The following GADD45A variants were observed in gnomAD, a reference collection of about 807,000 sequenced individuals.
GADD45A encodes the protein growth arrest and DNA damage-inducible protein GADD45 alpha.
Under a neutral mutation model 17.7 loss-of-function variants are expected in GADD45A, and 9 were observed. That is an observed-to-expected ratio of 0.51 (90% CI 0.31 to 0.89). The LOEUF is 0.89. Among genes scored for constraint, GADD45A ranks in the 40% least tolerant of loss-of-function variants. The probability of loss-of-function intolerance (pLI) is 0.05; values close to 1 mark genes in which losing one functional copy is unlikely to be tolerated. For missense variants in GADD45A, 149 were observed against 220.6 expected (o/e 0.68, Z 2.06); for synonymous variants, 95 against 92.2 (o/e 1.03, Z -0.17).
Position 67,687,777 on chromosome 1 carries a change from G to T in GADD45A, c.*3G>T. 1.3e-6 allele frequency: 2 copies of T among 1,575,556 alleles called. No individual in the cohort carries two copies. The highest frequency in any genetic ancestry group is 1.7e-6 in the Non-Finnish European group (2 of 1,146,640). On this transcript the variant is annotated 3_prime_UTR_variant, in exon 4 of 4. Transcript: ENST00000370986. ...TGATTAATCTCCCTGAACGGTGATGGCATCTGAATGAAAATAACTGAACCA... is the reference window on the plus strand; with the variant it reads ...TGATTAATCTCCCTGAACGGTGATGTCATCTGAATGAAAATAACTGAACCA...
At chr1:67,685,868 G>A (rs1056725344) in intron 1 of GADD45A, 157 bp from the exon 2 acceptor site, 17 of 603,122 alleles carry the variant, frequency 2.8e-5, no homozygotes, top group South Asian at 2.6e-4. Flanking sequence ...GGGTCATGGG[G>A]GGTGACGGGG....
rs1334376739 is a variant in GADD45A, at chr1:67,685,430, C to T, written c.-65C>T. 7 of 1,508,856 alleles carry T rather than the reference C, an allele frequency of 4.6e-6. No individual in the cohort carries two copies. In the East Asian group the frequency reaches 7.2e-5, roughly 15 times the overall value. 93.5% of individuals were successfully genotyped at this position (1,508,856 alleles called of 1,614,324 possible). ...TGAGTGCAGAAAGCAGGCGCCCGCG[C>T]GCTAGCCGTGGCAGGAGCAGCCCGC... On this transcript the variant is annotated 5_prime_UTR_variant, in exon 1 of 4. Coordinates refer to ENST00000370986, the MANE Select transcript of GADD45A (RefSeq NM_001924.4).
Position 67,685,421 on chromosome 1 carries a change from G to C in GADD45A, c.-74G>C. On this transcript the variant is annotated 5_prime_UTR_variant, in exon 1 of 4. Coordinates refer to ENST00000370986, the MANE Select transcript of GADD45A (RefSeq NM_001924.4). ...GCCTGTGAGTGAGTGCAGAAAGCAG[G>C]CGCCCGCGCGCTAGCCGTGGCAGGA... 2 of 1,459,678 alleles carry C rather than the reference G, an allele frequency of 1.4e-6. No individual in the cohort carries two copies. The highest frequency in any genetic ancestry group is 1.9e-6 in the Non-Finnish European group (2 of 1,063,354). 90.4% of individuals were successfully genotyped at this position (1,459,678 alleles called of 1,614,324 possible).
rs1188154891 is a variant in GADD45A, at chr1:67,688,145, C to T, written c.*371C>T. 2 of 168,884 alleles carry T rather than the reference C, an allele frequency of 1.2e-5. No homozygotes were observed. Among genetic ancestry groups the T allele is most frequent in the Admixed American group, 1.2e-4 (2 of 16,150 alleles). 10.5% of individuals were successfully genotyped at this position (168,884 alleles called of 1,614,324 possible). A position where few individuals can be genotyped will look rare whatever the true frequency, so the allele number is the denominator to read the frequency against. ...TGGGTATTTTTGGTTTATATGCCCT[C>T]AAGTAAAAGAAAAGCCGAAAGGGTT... On this transcript the variant is annotated 3_prime_UTR_variant, in exon 4 of 4. Transcript: ENST00000370986.
In GADD45A at chr1:67,686,572, C is replaced by T. The variant is rs756913269; in HGVS notation, c.369C>T (p.His123=). 1.2e-6 allele frequency: 2 copies of T among 1,611,102 alleles called. No homozygotes were observed. Among genetic ancestry groups the T allele is most frequent in the Non-Finnish European group, 1.7e-6 (2 of 1,178,600 alleles). The change falls in exon 3 of 4, where the codon CAC becomes CAT. Residue 123 remains histidine, a synonymous_variant. Transcript: ENST00000370986. Reference sequence around the variant, plus strand: ...GCGCCGAGCAGCCCCCGGACCTGCACTGCGTGCTGGTGACGGTAAGGGACT... The same window carrying T: ...GCGCCGAGCAGCCCCCGGACCTGCATTGCGTGCTGGTGACGGTAAGGGACT... The part of the protein sequence containing the change: ...SEGAEQPPDL[H]CVLVTNPHSS...
Position 67,688,198 on chromosome 1 carries a change from G to A in GADD45A, c.*424G>A, listed in dbSNP as rs928984000. 6.5e-6 allele frequency: 1 copy of A among 154,442 alleles called. No individual in the cohort carries two copies. Among genetic ancestry groups the A allele is most frequent in the African/African-American group, 2.4e-5 (1 of 41,438 alleles). The allele number at this position is 154,442 out of a possible 1,614,324, so 9.6% of individuals were successfully genotyped here. On this transcript the variant is annotated 3_prime_UTR_variant, in exon 4 of 4. Coordinates refer to ENST00000370986, the MANE Select transcript of GADD45A (RefSeq NM_001924.4). ...TCATATTTGAAAACCATATTTTATT[G>A]TATTTTGATGAGATATTAAATTCTC...
In GADD45A at chr1:67,687,871, A is replaced by G; in HGVS notation, c.*97A>G. The G allele has an allele frequency of 1.3e-6, 1 of 798,436 alleles. No homozygotes were observed. The highest frequency in any genetic ancestry group is 2.0e-5 in the Admixed American group (1 of 50,822). 49.5% of individuals were successfully genotyped at this position (798,436 alleles called of 1,614,324 possible). ...AGTTACTCCCTACACTGATGCAAGG[A>G]TTACAGAAACTGATGCCAAGGGGCT... On this transcript the variant is annotated 3_prime_UTR_variant, in exon 4 of 4. Coordinates refer to ENST00000370986, the MANE Select transcript of GADD45A (RefSeq NM_001924.4).
In GADD45A at chr1:67,685,317, C is replaced by T. The variant is rs1646124486; in HGVS notation, c.-178C>T. 26 of 552,382 alleles carry T rather than the reference C, an allele frequency of 4.7e-5. No individual in the cohort carries two copies. In the South Asian group the frequency reaches 5.5e-4, roughly 12 times the overall value. 34.2% of individuals were successfully genotyped at this position (552,382 alleles called of 1,614,324 possible). A position where few individuals can be genotyped will look rare whatever the true frequency, so the allele number is the denominator to read the frequency against. On this transcript the variant is annotated 5_prime_UTR_variant, in exon 1 of 4. Coordinates refer to ENST00000370986, the MANE Select transcript of GADD45A (RefSeq NM_001924.4). The stretch of plus-strand genomic sequence containing the variant: ...AAGGCGGGAGGGGTGGCCGGAGCTG[C>T]GGCGGCTGGCACAGGAGGAGGAGCC...
In GADD45A at chr1:67,685,556, C is replaced by T. The variant is rs1646127104; in HGVS notation, c.44+18C>T. On this transcript the variant is annotated intron_variant, in intron 1 of 3. Transcript: ENST00000370986. ...ACCGAAAGGTGAGTCGGCCTGCGGA[C>T]TCTTCCGGCCCGAACTTCTCTTACC... 1 of 1,598,758 alleles carries T rather than the reference C, an allele frequency of 6.3e-7. No homozygotes were observed. Among genetic ancestry groups the T allele is most frequent in the African/African-American group, 1.3e-5 (1 of 74,684 alleles).
Position 67,687,678 on chromosome 1 carries a change from A to G in GADD45A, c.402A>G (p.Gln134=), listed in dbSNP as rs775597646. The G allele has an allele frequency of 6.2e-7, 1 of 1,609,456 alleles. No individual in the cohort carries two copies. The highest frequency in any genetic ancestry group is 1.3e-5 in the African/African-American group (1 of 74,804). The change falls in exon 4 of 4, where the codon CAA becomes CAG. Residue 134 remains glutamine (Q), a synonymous_variant. Coordinates refer to ENST00000370986, the MANE Select transcript of GADD45A (RefSeq NM_001924.4). The stretch of plus-strand genomic sequence containing the variant: ...GTTTCCAGAATCCACATTCATCTCA[A>G]TGGAAGGATCCTGCCTTAAGTCAAC... ...CVLVTNPHSS[Q]WKDPALSQLI...
chr1:67,685,652 G>A (rs1003718776), intron 1 of GADD45A, 114 bp downstream of exon 1: 1 of 1,010,774 alleles, frequency 9.9e-7, no homozygotes, highest in African/African-American at 1.6e-5. Flanking sequence ...GTTTGCACAG[G>A]GCAACTCCCG....
At chr1:67,686,199 GC>G in intron 2 of GADD45A, 73 bp downstream of exon 2, 1 of 1,396,180 alleles carries the variant, frequency 7.2e-7, no homozygotes, top group Non-Finnish European at 9.9e-7. Flanking sequence ...TTGGCTGGGC[GC>G]CCCTCGCCCG....
chr1:67,686,073 G>T lies in GADD45A; in HGVS notation c.93G>T (p.Leu31=). Residue 31 remains leucine, a synonymous_variant, in exon 2 of 4, where the codon CTG becomes CTT. Transcript: ENST00000370986. ...DALEEVLSKA[L]SQRTITVGVY... The stretch of plus-strand genomic sequence containing the variant: ...TGGAGGAAGTGCTCAGCAAAGCCCT[G>T]AGTCAGCGCACGATCACTGTCGGGG... 6.2e-7 allele frequency: 1 copy of T among 1,609,780 alleles called. No individual in the cohort carries two copies. The highest frequency in any genetic ancestry group is 8.5e-7 in the Non-Finnish European group (1 of 1,178,358).
In GADD45A at chr1:67,685,425, C is replaced by T. The variant is rs1235178097; in HGVS notation, c.-70C>T. 34 of 1,493,588 alleles carry T rather than the reference C, an allele frequency of 2.3e-5. No individual in the cohort carries two copies. The Admixed American group carries it at 5.9e-4, about 26-fold the overall frequency. 92.5% of individuals were successfully genotyped at this position (1,493,588 alleles called of 1,614,324 possible). ...GTGAGTGAGTGCAGAAAGCAGGCGC[C>T]CGCGCGCTAGCCGTGGCAGGAGCAG... On this transcript the variant is annotated 5_prime_UTR_variant, in exon 1 of 4. Transcript: ENST00000370986.
chr1:67,686,601 G>A lies in GADD45A; in HGVS notation c.384+14G>A. On this transcript the variant is annotated intron_variant, in intron 3 of 3. Coordinates refer to ENST00000370986, the MANE Select transcript of GADD45A (RefSeq NM_001924.4). The stretch of plus-strand genomic sequence containing the variant: ...GTGCTGGTGACGGTAAGGGACTGGG[G>A]GACTGCAGCCTGCAGGGTAGAGCCC... The A allele has an allele frequency of 6.2e-7, 1 of 1,603,102 alleles. No homozygotes were observed.
rs563380537 is a variant in GADD45A at position 67,685,431 on chromosome 1, G to C, written c.-64G>C. The C allele has an allele frequency of 1.5e-4, 234 of 1,511,978 alleles. 4 individuals are homozygous for C. The East Asian group carries it at 5.6e-3, about 36-fold the overall frequency. 93.7% of individuals were successfully genotyped at this position (1,511,978 alleles called of 1,614,324 possible). ...GAGTGCAGAAAGCAGGCGCCCGCGC[G>C]CTAGCCGTGGCAGGAGCAGCCCGCA... On this transcript the variant is annotated 5_prime_UTR_variant, in exon 1 of 4. Coordinates refer to ENST00000370986, the MANE Select transcript of GADD45A (RefSeq NM_001924.4).
rs1485261801 is a variant in GADD45A at position 67,686,635 on chromosome 1, CG to C, written c.384+51del. 4 of 1,521,394 alleles carry C rather than the reference CG, an allele frequency of 2.6e-6. No homozygotes were observed. The African/African-American group carries it at 5.5e-5, about 21-fold the overall frequency. The allele number at this position is 1,521,394 out of a possible 1,614,324, so 94.2% of individuals were successfully genotyped here. On this transcript the variant is annotated intron_variant, in intron 3 of 3. Transcript: ENST00000370986. ...CCTGCAGGGTAGAGCCCCGGAAGGA[CG>C]GGAGTCAGGGCTGGGTTGCCTGATT...
rs1646125844 is a variant in GADD45A, at chr1:67,685,443, A to G, written c.-52A>G. On this transcript the variant is annotated 5_prime_UTR_variant, in exon 1 of 4. Coordinates refer to ENST00000370986, the MANE Select transcript of GADD45A (RefSeq NM_001924.4). ...CAGGCGCCCGCGCGCTAGCCGTGGC[A>G]GGAGCAGCCCGCACGCCGCGCTCTC... 37 of 1,559,018 alleles carry G rather than the reference A, an allele frequency of 2.4e-5. No individual in the cohort carries two copies. Among genetic ancestry groups the G allele is most frequent in the Non-Finnish European group, 3.1e-5 (36 of 1,144,490 alleles).
At chr1:67,686,195 G>A in intron 2 of GADD45A, 69 bp downstream of exon 2, 1 of 1,424,522 alleles carries the variant, frequency 7.0e-7, no homozygotes, top group Non-Finnish European at 9.7e-7. Context: ...CGCCTTGGCT[G>A]GGCGCCCCTC....
Sources: allele counts gnomAD v4.1 joint callset, GRCh38; gene constraint gnomAD v4.1.1; transcripts MANE v1.5; gene names NCBI Gene and HGNC (gene_info 2026-07-23, HGNC 2026-07-21).